CSNK1D: variants seen among roughly 807,000 people sequenced by gnomAD.
CSNK1D encodes the protein casein kinase I isoform delta.
CSNK1D carries 16 observed loss-of-function variants against 46.6 expected under a neutral mutation model. The ratio of observed to expected loss-of-function variants is 0.34; its 90% confidence interval spans 0.23 to 0.52. The LOEUF is 0.52. CSNK1D is among the 20% of genes least tolerant of loss of function. The pLI, the probability that CSNK1D is intolerant of heterozygous loss-of-function variation, is 0.95. For synonymous variants in CSNK1D, 276 were observed against 228.2 expected (o/e 1.21, Z -1.89); for missense variants, 398 against 578.4 (o/e 0.69, Z 3.20).
chr17:82,270,609 A>G (rs901791555), intron 1 of CSNK1D, among the ~76,000 whole-genome samples: 4 of 152,336 alleles, frequency 2.6e-5, no homozygotes, highest in African/African-American at 9.6e-5. Context: ...CAGATCAGCC[A>G]TCTTTGACTC....
chr17:82,273,272 C>T lies in CSNK1D; in HGVS notation c.76+34G>A. Reference sequence around the variant, plus strand: ...GTCTTGGCAGCCGCAGGGCCCGGGTCTTCGGGCGGCGGGCGGGGGCGGCGG... The same window carrying T: ...GTCTTGGCAGCCGCAGGGCCCGGGTTTTCGGGCGGCGGGCGGGGGCGGCGG... On this transcript the variant is annotated intron_variant, in intron 1 of 8. Transcript: ENST00000314028. This position sits in a 1 kb window ranked among gnomAD's most constrained non-coding sequence, Gnocchi z 5.1. The T allele has an allele frequency of 1.3e-6, 2 of 1,588,244 alleles. No individual in the cohort carries two copies. Among genetic ancestry groups the T allele is most frequent in the African/African-American group, 1.4e-5 (1 of 72,208 alleles).
rs138788002 is a variant in CSNK1D at position 82,252,990 on chromosome 17, C to G, written c.565+26G>C. 1.8e-3 allele frequency: 2,955 copies of G among 1,607,556 alleles called. 4 individuals are homozygous for G. Among genetic ancestry groups the G allele is most frequent in the Non-Finnish European group, 2.4e-3 (2,779 of 1,174,218 alleles). The stretch of plus-strand genomic sequence containing the variant: ...GGACGCGCCCAAAGGCACCCCAGGT[C>G]AGTGACCCCATGCCCAGGGGCTCAC... On this transcript the variant is annotated intron_variant, in intron 4 of 8. Coordinates refer to ENST00000314028, the MANE Select transcript of CSNK1D (RefSeq NM_001893.6). This position sits in a 1 kb window ranked among gnomAD's most constrained non-coding sequence, Gnocchi z 4.6.
At position 82,255,743 on chromosome 17, in the gene CSNK1D, G is replaced by C. The variant is rs1006939010; in HGVS notation, c.188-166C>G. ...CCGCTCCTCAGGGACCCATCCTCGA[G>C]ATTAGGCCCCATCTATTAGCAAATG... is the stretch of plus-strand genomic sequence containing the variant. On this transcript the variant is annotated intron_variant, in intron 2 of 8. Transcript: ENST00000314028. The surrounding 1 kb of genome is among the most constrained non-coding windows in gnomAD (Gnocchi z 5.9). Among the ~76,000 whole-genome samples, 1 of 152,224 alleles carries C rather than the reference G, an allele frequency of 6.6e-6. No homozygotes were observed. The highest frequency in any genetic ancestry group is 1.5e-5 in the Non-Finnish European group (1 of 68,038).
chr17:82,267,420 G>A (rs1044337626), intron 1 of CSNK1D, among the ~76,000 whole-genome samples: 4 of 152,134 alleles, frequency 2.6e-5, no homozygotes, highest in Non-Finnish European at 5.9e-5. Context: ...GAAGCCCCTC[G>A]TCTGCCCAGA....
Position 82,242,709 on chromosome 17 carries a change from A to G in CSNK1D, c.*2072T>C, listed in dbSNP as rs192485180. 49 of 985,400 alleles carry G rather than the reference A, an allele frequency of 5.0e-5. No homozygotes were observed. The African/African-American group carries it at 7.1e-4, about 14-fold the overall frequency. The allele number at this position is 985,400 out of a possible 1,614,324, so 61.0% of individuals were successfully genotyped here. ...TGAATTTATTATTTACACGATTGTT[A>G]AAGTACACAAATACAGTGGCGATAC... On this transcript the variant is annotated 3_prime_UTR_variant, in exon 9 of 9. Transcript: ENST00000314028.
rs892357477 is a variant in CSNK1D at position 82,252,226 on chromosome 17, C to T, written c.736+208G>A. Among the ~76,000 whole-genome samples the T allele has an allele frequency of 7.9e-5, 12 of 152,214 alleles. No homozygotes were observed. Among genetic ancestry groups the T allele is most frequent in the Non-Finnish European group, 1.8e-4 (12 of 68,032 alleles). On this transcript the variant is annotated intron_variant, in intron 5 of 8. Coordinates refer to ENST00000314028, the MANE Select transcript of CSNK1D (RefSeq NM_001893.6). This position sits in a 1 kb window ranked among gnomAD's most constrained non-coding sequence, Gnocchi z 4.6. ...CTCCAGGGCCTCCAAGTACTCCCCA[C>T]GCTGATGGGCACTTGGCAAGTAAGT... is the stretch of plus-strand genomic sequence containing the variant.
chr17:82,239,159 C>A, downstream of CSNK1D: 1 of 577,742 alleles, frequency 1.7e-6, no homozygotes. Flanking sequence ...CGTGTCATTC[C>A]AGAGTGGATC....
intron 3 of CSNK1D, chr17:82,254,694 G>C (rs1470590925): frequency 8.8e-6 from 1 of 113,240 alleles, no homozygotes; most frequent in Admixed American, 1.0e-4. Flanking sequence ...GCCTCGAGAC[G>C]CCAGTGAGCT....
chr17:82,239,022 G>A (rs376313745), downstream of CSNK1D: 36 of 1,477,354 alleles, frequency 2.4e-5, no homozygotes, highest in East Asian at 1.4e-4. Flanking sequence ...TACAGAAGCC[G>A]GCAACGCTTG....
chr17:82,263,369 G>A (rs1053282380), intron 2 of CSNK1D, among the ~76,000 whole-genome samples: 1 of 152,218 alleles, frequency 6.6e-6, no homozygotes, highest in African/African-American at 2.4e-5. Flanking sequence ...GGATCCTAGA[G>A]AAGGTGCCAT....
chr17:82,262,435 T>G (rs149073519), intron 2 of CSNK1D, among the ~76,000 whole-genome samples: 1 of 152,232 alleles, frequency 6.6e-6, no homozygotes, highest in Non-Finnish European at 1.5e-5. Context: ...TTAAGGCTCA[T>G]TCTTCCCAAG....
At chr17:82,264,929 CTGGGA>C (rs1260047832) in intron 2 of CSNK1D, among the ~76,000 whole-genome samples, 4 of 151,720 alleles carry the variant, frequency 2.6e-5, no homozygotes, top group African/African-American at 7.3e-5. Flanking sequence ...TCCCAAGTAG[CTGGGA>C]CTACAGGCGC....
rs1568559879 is a variant in CSNK1D, at chr17:82,250,125, G to A, written c.886-523C>T. ...AGCAGCCGGCAGCCGGATCTGTGCT[G>A]CACTATCCAGATGCACGGGGGTGGG... is the stretch of plus-strand genomic sequence containing the variant. On this transcript the variant is annotated intron_variant, in intron 6 of 8. Transcript: ENST00000314028. This position sits in a 1 kb window ranked among gnomAD's most constrained non-coding sequence, Gnocchi z 4.6. 1 of 1,290,726 alleles carries A rather than the reference G, an allele frequency of 7.7e-7. No individual in the cohort carries two copies. Among genetic ancestry groups the A allele is most frequent in the East Asian group, 5.5e-5 (1 of 18,052 alleles). 80.0% of individuals were successfully genotyped at this position (1,290,726 alleles called of 1,614,324 possible).
At position 82,243,219 on chromosome 17, in the gene CSNK1D, C is replaced by T. The variant is rs901972812; in HGVS notation, c.*1562G>A. The T allele has an allele frequency of 1.3e-5, 13 of 985,422 alleles. No individual in the cohort carries two copies. Among genetic ancestry groups the T allele is most frequent in the East Asian group, 1.1e-4 (1 of 8,834 alleles). The allele number at this position is 985,422 out of a possible 1,614,324, so 61.0% of individuals were successfully genotyped here. ...GGGGGTGAACAACTGTGTTCTGGGA[C>T]GCCAGCCAGTTATGGCATCCGGGGA... On this transcript the variant is annotated 3_prime_UTR_variant, in exon 9 of 9. Transcript: ENST00000314028.
chr17:82,271,426 G>GTT (rs1361359399), intron 1 of CSNK1D, among the ~76,000 whole-genome samples: 1 of 152,202 alleles, frequency 6.6e-6, no homozygotes, highest in Non-Finnish European at 1.5e-5. Context: ...GCTTTGCAGT[G>GTT]TAACTCAGAT....
rs1486363471 is a variant in CSNK1D, at chr17:82,255,001, C to T, written c.336+428G>A. 7 of 341,626 alleles carry T rather than the reference C, an allele frequency of 2.0e-5. No homozygotes were observed. Among genetic ancestry groups the T allele is most frequent in the East Asian group, 1.7e-4 (2 of 11,688 alleles). 21.2% of individuals were successfully genotyped at this position (341,626 alleles called of 1,614,324 possible). On this transcript the variant is annotated intron_variant, in intron 3 of 8. Coordinates refer to ENST00000314028, the MANE Select transcript of CSNK1D (RefSeq NM_001893.6). This position sits in a 1 kb window ranked among gnomAD's most constrained non-coding sequence, Gnocchi z 5.9. ...TCCAGAAGCCAGTCAGCTGAGCCGCCGGAGCCTCGAGAAGCCAGTGAGCTG... is the reference window on the plus strand; with the variant it reads ...TCCAGAAGCCAGTCAGCTGAGCCGCTGGAGCCTCGAGAAGCCAGTGAGCTG...
At chr17:82,246,563 G>T in intron 8 of CSNK1D, 1 of 1,036,326 alleles carries the variant, frequency 9.6e-7, no homozygotes. Context: ...TAGCCAAAGA[G>T]CCCTGGCCGA....
chr17:82,247,804 G>A (rs952637706), intron 8 of CSNK1D: 1 of 985,404 alleles, frequency 1.0e-6, no homozygotes, highest in African/African-American at 1.7e-5. Flanking sequence ...TAACCACGAA[G>A]CCAAAATCCC....
intron 8 of CSNK1D, chr17:82,247,611 G>A: frequency 3.0e-6 from 3 of 985,486 alleles, no homozygotes; most frequent in Non-Finnish European, 3.6e-6. Context: ...GGCACGGGCA[G>A]ACCCTCCCGG....
Sources: gnomAD v4.1 joint callset for allele counts (sites outside exome capture counted in the v4.1 genomes callset) on GRCh38, gnomAD v4.1.1 for gene constraint, Gnocchi (gnomAD v3.1) non-coding constraint, MANE v1.5 for transcripts, NCBI Gene and HGNC (gene_info 2026-07-23, HGNC 2026-07-21) for gene names.